Variants in MBOAT2 observed in about 807,000 individuals in gnomAD.
MBOAT2 encodes membrane-bound glycerophospholipid O-acyltransferase 2.
In MBOAT2, 28 loss-of-function variants were observed where a neutral mutation model predicts 63.4. That is an observed-to-expected ratio of 0.44 (90% CI 0.33 to 0.61). The LOEUF (loss-of-function observed/expected upper bound fraction) is 0.61. MBOAT2 is among the 20% of genes least tolerant of loss of function. The pLI is 0.03. For synonymous variants in MBOAT2, 211 were observed against 215.6 expected (o/e 0.98, Z 0.19); for missense variants, 470 against 605.8 (o/e 0.78, Z 2.35).
intron 12 of MBOAT2, among the ~76,000 whole-genome samples, chr2:8,859,763 C>A (rs935171812): frequency 1.3e-5 from 2 of 151,970 alleles, no homozygotes; most frequent in Admixed American, 6.6e-5. Flanking sequence ...ATTTGGTGGG[C>A]AGGGAGAGGA....
intron 12 of MBOAT2, among the ~76,000 whole-genome samples, chr2:8,859,159 C>G (rs1482793491): frequency 1.3e-5 from 2 of 152,078 alleles, no homozygotes. Context: ...TTGTAAGGGT[C>G]AGAAGGCCAT....
chr2:8,873,366 A>G, intron 7 of MBOAT2, 66 bp from the exon 8 acceptor site: 1 of 1,479,494 alleles, frequency 6.8e-7, no homozygotes, highest in Non-Finnish European at 9.2e-7. Flanking sequence ...TCTATGTATT[A>G]TCGACAGATT....
At chr2:8,993,113 T>C (rs1206456564) in intron 1 of MBOAT2, among the ~76,000 whole-genome samples, 5 of 152,188 alleles carry the variant, frequency 3.3e-5, no homozygotes, top group Admixed American at 3.3e-4. Flanking sequence ...AATCTCTTGA[T>C]TAAAATGCTC....
chr2:8,940,037 AG>A (rs1667939422), intron 3 of MBOAT2, among the ~76,000 whole-genome samples: 1 of 151,930 alleles, frequency 6.6e-6, no homozygotes, highest in Non-Finnish European at 1.5e-5. Context: ...ACTGTTTTCC[AG>A]CTACACGTCC....
At chr2:8,880,855 A>T (rs1397979317) in intron 6 of MBOAT2, among the ~76,000 whole-genome samples, 1 of 152,260 alleles carries the variant, frequency 6.6e-6, no homozygotes, top group African/African-American at 2.4e-5. Flanking sequence ...GATTAAGGGC[A>T]ATCTTGAAAG....
intron 3 of MBOAT2, among the ~76,000 whole-genome samples, chr2:8,931,352 G>T (rs1468164726): frequency 3.3e-5 from 5 of 152,240 alleles, no homozygotes; most frequent in African/African-American, 1.2e-4. Flanking sequence ...AGTACAGGAA[G>T]CATGGTGCTG....
chr2:8,884,549 T>C (rs1000346292), intron 5 of MBOAT2, among the ~76,000 whole-genome samples: 1 of 152,086 alleles, frequency 6.6e-6, no homozygotes, highest in Admixed American at 6.5e-5. Context: ...AAAAACTCCT[T>C]ATCCTTTTTT....
At chr2:8,872,828 C>T (rs1485808570) in intron 8 of MBOAT2, among the ~76,000 whole-genome samples, 1 of 152,226 alleles carries the variant, frequency 6.6e-6, no homozygotes. Context: ...ATACTCGTAT[C>T]TATCCTGGCT....
At chr2:8,979,521 C>T (rs938604767) in intron 1 of MBOAT2, among the ~76,000 whole-genome samples, 1 of 152,040 alleles carries the variant, frequency 6.6e-6, no homozygotes, top group African/African-American at 2.4e-5. Context: ...TTGTATCCCC[C>T]AGCACCTAGT....
At chr2:8,940,866 A>C (rs1668003083) in intron 3 of MBOAT2, among the ~76,000 whole-genome samples, 2 of 152,222 alleles carry the variant, frequency 1.3e-5, no homozygotes, top group South Asian at 2.1e-4. Flanking sequence ...TTAAAGACTT[A>C]AACTCTGGCT....
chr2:8,914,163 T>C (rs1035930183), intron 3 of MBOAT2, among the ~76,000 whole-genome samples: 1 of 152,080 alleles, frequency 6.6e-6, no homozygotes, highest in African/African-American at 2.4e-5. Context: ...TCTGGGGACT[T>C]GGGAGGAAGA....
chr2:8,979,161 T>A (rs150270146), intron 1 of MBOAT2, among the ~76,000 whole-genome samples: 3 of 152,256 alleles, frequency 2.0e-5, no homozygotes, highest in African/African-American at 7.2e-5. Context: ...TGACTTGATT[T>A]TGAAATTATA....
chr2:8,940,454 G>C (rs1335323389), intron 3 of MBOAT2, among the ~76,000 whole-genome samples: 1 of 152,054 alleles, frequency 6.6e-6, no homozygotes, highest in Admixed American at 6.5e-5. Context: ...ACCACGCCTG[G>C]CTAATTTTTT....
At position 8,853,013 on chromosome 2, in the gene MBOAT2, T is replaced by A. The variant is rs1025980849; in HGVS notation, c.*5666A>T. 1 of 152,192 alleles carries A rather than the reference T, an allele frequency of 6.6e-6. No homozygotes were observed. The highest frequency in any genetic ancestry group is 2.4e-5 in the African/African-American group (1 of 41,466). The allele number at this position is 152,192 out of a possible 1,614,324, so 9.4% of individuals were successfully genotyped here. A position where few individuals can be genotyped will look rare whatever the true frequency, so the allele number is the denominator to read the frequency against. ...TCTATTCTCAACTTGGGAAGGCAAA[T>A]GTAAATACTAAATTCTGGCTGCTGG... is the stretch of plus-strand genomic sequence containing the variant. On this transcript the variant is annotated 3_prime_UTR_variant, in exon 13 of 13. Coordinates refer to ENST00000305997, the MANE Select transcript of MBOAT2 (RefSeq NM_138799.4).
intron 4 of MBOAT2, among the ~76,000 whole-genome samples, chr2:8,907,687 T>C (rs1665430932): frequency 6.6e-6 from 1 of 152,224 alleles, no homozygotes; most frequent in Admixed American, 6.5e-5. Flanking sequence ...TTGTTTTGTT[T>C]TGGCCTTGGG....
At chr2:8,941,607 T>C (rs1000152685) in intron 3 of MBOAT2, among the ~76,000 whole-genome samples, 6 of 149,724 alleles carry the variant, frequency 4.0e-5, no homozygotes, top group African/African-American at 1.5e-4. Flanking sequence ...GAGGTTGCAG[T>C]GAGCTGCACT....
At chr2:8,919,978 C>A (rs1666460277) in intron 3 of MBOAT2, among the ~76,000 whole-genome samples, 1 of 152,124 alleles carries the variant, frequency 6.6e-6, no homozygotes, top group African/African-American at 2.4e-5. Flanking sequence ...GTTGCCCAGG[C>A]TGGTCTCAAA....
intron 4 of MBOAT2, among the ~76,000 whole-genome samples, chr2:8,901,719 C>T (rs1466663245): frequency 4.6e-5 from 7 of 152,284 alleles, no homozygotes; most frequent in East Asian, 1.9e-4. Flanking sequence ...GTCCCCCCTA[C>T]GATGGGGCTT....
intron 1 of MBOAT2, among the ~76,000 whole-genome samples, chr2:8,997,858 C>G (rs1343148001): frequency 3.3e-5 from 5 of 152,172 alleles, no homozygotes. Flanking sequence ...CCTACTACTT[C>G]CTCTTAATGA....
Sources: allele counts gnomAD v4.1 joint callset (sites outside exome capture counted in the v4.1 genomes callset), GRCh38; gene constraint gnomAD v4.1.1; transcripts MANE v1.5; gene names NCBI Gene and HGNC (gene_info 2026-07-23, HGNC 2026-07-21).